NAALADL2: variants seen among roughly 807,000 people sequenced by gnomAD.
The protein encoded by NAALADL2 is inactive N-acetylated-alpha-linked acidic dipeptidase-like protein 2.
In NAALADL2, 76 loss-of-function variants were observed where a neutral mutation model predicts 87.2. The ratio of observed to expected loss-of-function variants is 0.87; its 90% CI spans 0.72 to 1.05. The LOEUF is 1.05. Among genes scored for constraint, NAALADL2 ranks in the 50% least tolerant of loss-of-function variants. The probability of loss-of-function intolerance (pLI) is 0.00; values close to 1 mark genes in which losing one functional copy is unlikely to be tolerated. For synonymous variants in NAALADL2, 354 were observed against 331.0 expected (o/e 1.07, Z -0.75); for missense variants, 1,089 against 945.8 (o/e 1.15, Z -1.99).
At chr3:175,581,437 G>T (rs780467796) in intron 10 of NAALADL2, among the ~76,000 whole-genome samples, 2 of 152,074 alleles carry the variant, frequency 1.3e-5, no homozygotes, top group Non-Finnish European at 2.9e-5. Context: ...GTGAGACTCT[G>T]TCTCTAAATA....
At chr3:174,771,250 TAC>T (rs1232222426) in intron 3 of NAALADL2, among the ~76,000 whole-genome samples, 3 of 152,156 alleles carry the variant, frequency 2.0e-5, no homozygotes, top group Non-Finnish European at 4.4e-5. Flanking sequence ...TTAATTGAAA[TAC>T]ACAAAATTCA....
At chr3:174,793,019 G>A (rs1446275983) in intron 3 of NAALADL2, among the ~76,000 whole-genome samples, 1 of 152,008 alleles carries the variant, frequency 6.6e-6, no homozygotes, top group East Asian at 1.9e-4. Context: ...TATGTCATAA[G>A]CATTGAAATA....
chr3:174,787,586 T>TATATATATATATAC (rs1560225483), intron 3 of NAALADL2, among the ~76,000 whole-genome samples: 2 of 57,336 alleles, frequency 3.5e-5, no homozygotes, highest in Non-Finnish European at 7.6e-5. Flanking sequence ...CATATATATA[T>TATATATATATATAC]ATATATATAT....
chr3:174,669,068 C>G (rs1384900336), intron 2 of NAALADL2, among the ~76,000 whole-genome samples: 2 of 152,102 alleles, frequency 1.3e-5, no homozygotes, highest in Non-Finnish European at 2.9e-5. Context: ...TCTCCACATC[C>G]TCTCCAGCAC....
At chr3:174,585,663 T>G (rs546393409) in intron 2 of NAALADL2, among the ~76,000 whole-genome samples, 3 of 141,848 alleles carry the variant, frequency 2.1e-5, no homozygotes, top group Admixed American at 6.9e-5. Flanking sequence ...GTTTTTTTTG[T>G]TTTTTTTTTA....
intron 8 of NAALADL2, among the ~76,000 whole-genome samples, chr3:175,468,010 T>A (rs1380760196): frequency 2.0e-5 from 3 of 152,080 alleles, no homozygotes. Context: ...GCAAGATAAT[T>A]TAATACTGTA....
At chr3:175,479,222 A>C (rs1726119589) in intron 9 of NAALADL2, among the ~76,000 whole-genome samples, 1 of 151,842 alleles carries the variant, frequency 6.6e-6, no homozygotes, top group African/African-American at 2.4e-5. Flanking sequence ...GTTTGCTTGA[A>C]TCTTTAACAA....
chr3:175,516,693 C>T (rs1731890682), intron 9 of NAALADL2, among the ~76,000 whole-genome samples: 2 of 152,116 alleles, frequency 1.3e-5, no homozygotes, highest in African/African-American at 4.8e-5. Flanking sequence ...CTATGGATGG[C>T]TCTAAATTGC....
intron 6 of NAALADL2, chr3:175,460,108 T>C: frequency 6.6e-6 from 3 of 454,978 alleles, no homozygotes; most frequent in South Asian, 4.7e-5. Context: ...ATTGCTTTTG[T>C]TATTGCTATG....
chr3:175,504,180 T>C, intron 9 of NAALADL2, among the ~76,000 whole-genome samples: 1 of 152,066 alleles, frequency 6.6e-6, no homozygotes. Flanking sequence ...GAACAGGGAG[T>C]CCTTTCTATT....
chr3:174,912,050 A>G (rs1733774550), intron 1 of NAALADL2, among the ~76,000 whole-genome samples: 1 of 152,066 alleles, frequency 6.6e-6, no homozygotes, highest in African/African-American at 2.4e-5. Context: ...TTCTCTTCTC[A>G]CAGAAATAAA....
intron 5 of NAALADL2, among the ~76,000 whole-genome samples, chr3:175,415,923 G>A (rs955574016): frequency 1.3e-5 from 2 of 149,462 alleles, no homozygotes; most frequent in African/African-American, 2.5e-5. Flanking sequence ...AGAACAACCT[G>A]GTCAACATAC....
intron 5 of NAALADL2, among the ~76,000 whole-genome samples, chr3:175,394,449 A>C (rs2149033090): frequency 6.6e-6 from 1 of 152,356 alleles, no homozygotes; most frequent in East Asian, 1.9e-4. Flanking sequence ...TTCCTGTAAC[A>C]AAATATCACA....
intron 1 of NAALADL2, among the ~76,000 whole-genome samples, chr3:175,006,384 C>G (rs1456398441): frequency 1.3e-5 from 2 of 151,998 alleles, no homozygotes; most frequent in Admixed American, 6.6e-5. Flanking sequence ...TATGTCTTAC[C>G]ATACCCAGAA....
At chr3:175,690,484 G>A (rs1253889668) in intron 11 of NAALADL2, among the ~76,000 whole-genome samples, 1 of 151,948 alleles carries the variant, frequency 6.6e-6, no homozygotes, top group Non-Finnish European at 1.5e-5. Flanking sequence ...CTGCTTTTGT[G>A]TTTTGTTTCA....
chr3:175,496,771 G>C (rs1728872425), intron 9 of NAALADL2, among the ~76,000 whole-genome samples: 1 of 151,936 alleles, frequency 6.6e-6, no homozygotes, highest in Non-Finnish European at 1.5e-5. Context: ...TGTTGTCCAG[G>C]CTGGTCTTGA....
In NAALADL2 at chr3:174,960,071, T is replaced by C. The variant is rs1425329200; in HGVS notation, c.43+100621T>C. On this transcript the variant is annotated intron_variant, in intron 1 of 13. Coordinates refer to ENST00000454872, the MANE Select transcript of NAALADL2 (RefSeq NM_207015.3). ...AGTTGGCTGCAGACCCCGTAGTTAA[T>C]GCTTTGGAGTAGCAGAAGCTGTTTT... 2.6e-5 allele frequency among the ~76,000 whole-genome samples: 4 copies of C among 152,040 alleles called. No individual in the cohort carries two copies. In the South Asian group the frequency reaches 8.3e-4, roughly 31 times the overall value.
At chr3:175,249,890 C>T (rs1007535086) in intron 3 of NAALADL2, among the ~76,000 whole-genome samples, 3 of 152,042 alleles carry the variant, frequency 2.0e-5, no homozygotes, top group Non-Finnish European at 2.9e-5. Flanking sequence ...ATATTCTTGC[C>T]GGGTGCAGTG....
intron 2 of NAALADL2, among the ~76,000 whole-genome samples, chr3:175,165,337 A>G (rs1939211087): frequency 6.6e-6 from 1 of 152,178 alleles, no homozygotes; most frequent in Admixed American, 6.6e-5. Flanking sequence ...TCCTGGCCCC[A>G]AATGAATTCT....
Sources: gnomAD v4.1 joint callset for allele counts (sites outside exome capture counted in the v4.1 genomes callset) on GRCh38, gnomAD v4.1.1 for gene constraint, MANE v1.5 for transcripts, NCBI Gene and HGNC (gene_info 2026-07-23, HGNC 2026-07-21) for gene names.